UGGT2: variants seen among roughly 807,000 people sequenced by gnomAD.
UGGT2 encodes the protein UDP-glucose glycoprotein glucosyltransferase 2.
In UGGT2, 180 loss-of-function variants were observed where a neutral mutation model predicts 192.1. That is an observed-to-expected ratio of 0.94 (90% confidence interval 0.83 to 1.06). The LOEUF is 1.06. Among genes scored for constraint, UGGT2 ranks in the 50% least tolerant of loss-of-function variants. The pLI, the probability that UGGT2 is intolerant of heterozygous loss-of-function variation, is 0.00. For missense variants in UGGT2, 1,849 were observed against 1,795.7 expected, an observed-to-expected ratio of 1.03 and a Z score of -0.54; for synonymous variants, 580 against 591.0, an observed-to-expected ratio of 0.98 and a Z score of 0.27.
chr13:95,867,702 T>C (rs1384658533), intron 29 of UGGT2, among the ~76,000 whole-genome samples: 3 of 152,166 alleles, frequency 2.0e-5, no homozygotes, highest in Non-Finnish European at 4.4e-5. Context: ...TTATGGCTTA[T>C]CTTTGCTGTT....
intron 38 of UGGT2, among the ~76,000 whole-genome samples, chr13:95,823,612 A>G (rs1800963034): frequency 6.6e-6 from 1 of 151,990 alleles, no homozygotes; most frequent in Non-Finnish European, 1.5e-5. Context: ...TGTGTAGCTT[A>G]TCTTTTCCAT....
At chr13:95,943,419 T>C (rs1482930005) in intron 15 of UGGT2, among the ~76,000 whole-genome samples, 3 of 152,008 alleles carry the variant, frequency 2.0e-5, no homozygotes, top group Non-Finnish European at 4.4e-5. Context: ...CCCCCAGGTT[T>C]CCTAAGTATC....
At chr13:95,906,134 T>C (rs934475479) in intron 20 of UGGT2, among the ~76,000 whole-genome samples, 1 of 152,206 alleles carries the variant, frequency 6.6e-6, no homozygotes, top group Non-Finnish European at 1.5e-5. Flanking sequence ...TTAGCTACTC[T>C]TGGTACTTTG....
At chr13:96,047,628 G>A (rs2053355413) in intron 1 of UGGT2, among the ~76,000 whole-genome samples, 2 of 152,112 alleles carry the variant, frequency 1.3e-5, no homozygotes, top group East Asian at 1.9e-4. Context: ...TCAAAATAAA[G>A]GGATGGAGGA....
intron 36 of UGGT2, 125 bp from the exon 37 acceptor site, chr13:95,837,327 C>A: frequency 1.4e-6 from 1 of 693,534 alleles, no homozygotes; most frequent in African/African-American, 1.8e-5. Flanking sequence ...TCTGAGATTT[C>A]TCTACACTTT....
At chr13:95,967,995 G>A (rs2050643087) in intron 12 of UGGT2, among the ~76,000 whole-genome samples, 1 of 151,916 alleles carries the variant, frequency 6.6e-6, no homozygotes, top group Non-Finnish European at 1.5e-5. Flanking sequence ...TTTTATTATA[G>A]CTTTCTTTGA....
At chr13:95,964,983 T>C (rs1339557895) in intron 12 of UGGT2, among the ~76,000 whole-genome samples, 2 of 151,800 alleles carry the variant, frequency 1.3e-5, no homozygotes, top group Non-Finnish European at 2.9e-5. Context: ...AAAAAACACA[T>C]GAAAAAATGC....
chr13:95,820,267 C>T (rs1885371633), intron 38 of UGGT2, among the ~76,000 whole-genome samples: 1 of 151,936 alleles, frequency 6.6e-6, no homozygotes, highest in African/African-American at 2.4e-5. Context: ...CATAATTTGC[C>T]AAAACTGACT....
intron 12 of UGGT2, among the ~76,000 whole-genome samples, chr13:95,959,880 C>T (rs576607210): frequency 3.3e-5 from 5 of 152,266 alleles, no homozygotes; most frequent in South Asian, 4.1e-4. Flanking sequence ...AACCCACCAT[C>T]GCCACCCATA....
chr13:95,997,869 A>C (rs1015068), intron 6 of UGGT2, among the ~76,000 whole-genome samples: 59,992 of 151,946 alleles, frequency 0.39, 12,080 homozygotes, highest in Middle Eastern at 0.46. Context: ...GCTGAAGGAC[A>C]GTAAAAAGGC....
intron 3 of UGGT2, 67 bp from the exon 4 acceptor site, chr13:96,023,219 C>T (rs2052565657): frequency 3.0e-6 from 4 of 1,329,402 alleles, no homozygotes; most frequent in Middle Eastern, 1.9e-4. Context: ...AAAACCCTCA[C>T]ACATTACTTT....
intron 12 of UGGT2, among the ~76,000 whole-genome samples, chr13:95,956,568 C>G (rs1046863160): frequency 3.3e-5 from 5 of 152,186 alleles, no homozygotes; most frequent in Non-Finnish European, 5.9e-5. Context: ...CAATGCTCAA[C>G]ATCACTAGTC....
intron 20 of UGGT2, 45 bp downstream of exon 20, chr13:95,925,635 A>G (rs760621139): frequency 1.6e-6 from 2 of 1,288,394 alleles, no homozygotes; most frequent in South Asian, 1.8e-5. Flanking sequence ...CTTTCCTTAA[A>G]TTGAAATAAA....
At chr13:96,003,663 T>A (rs865925215) in intron 5 of UGGT2, among the ~76,000 whole-genome samples, 3 of 152,122 alleles carry the variant, frequency 2.0e-5, no homozygotes, top group Admixed American at 2.0e-4. Flanking sequence ...TCTTGGAAGA[T>A]GAAAGGCCAT....
chr13:96,031,585 T>G lies in UGGT2; in HGVS notation c.241+304A>C, dbSNP rs906695546. 1.3e-5 allele frequency among the ~76,000 whole-genome samples: 2 copies of G among 152,200 alleles called. 1 individual carries two copies. The highest frequency in any genetic ancestry group is 4.1e-4 in the South Asian group (2 of 4,832). ...ATCCTCTGGCCTTGGGCCTTCCAAG[T>G]AGCTGCTACTACAGATGCACACCAC... On this transcript the variant is annotated intron_variant, in intron 2 of 38. Transcript: ENST00000376747.
At chr13:95,990,871 C>T (rs1310275723) in intron 7 of UGGT2, 1 of 152,316 alleles carries the variant, frequency 6.6e-6, no homozygotes, top group African/African-American at 2.4e-5. Flanking sequence ...CTATCCCTCT[C>T]CTAGCTCCCC....
intron 38 of UGGT2, among the ~76,000 whole-genome samples, chr13:95,818,487 C>G (rs1009300208): frequency 6.6e-6 from 1 of 152,056 alleles, no homozygotes; most frequent in Admixed American, 6.5e-5. Flanking sequence ...CCTGCAAACT[C>G]AAAATTGTGG....
At position 95,830,325 on chromosome 13, in the gene UGGT2, T is replaced by C. The variant is rs536296372; in HGVS notation, c.4528+2602A>G. ...CGCTTCTGCACAGCAAAAGAAACTA[T>C]CGTCAGAGTGAGCAGGCAACCTACA... On this transcript the variant is annotated intron_variant, in intron 38 of 38. Coordinates refer to ENST00000376747, the MANE Select transcript of UGGT2 (RefSeq NM_020121.4). 3.6e-3 allele frequency among the ~76,000 whole-genome samples: 545 copies of C among 152,200 alleles called. 6 individuals carry two copies. Among genetic ancestry groups the C allele is most frequent in the African/African-American group, 0.012 (513 of 41,544 alleles).
intron 17 of UGGT2, 78 bp from the exon 18 acceptor site, chr13:95,927,414 G>T: frequency 2.6e-6 from 3 of 1,153,304 alleles, no homozygotes; most frequent in East Asian, 2.8e-5. Flanking sequence ...ATAACACAAA[G>T]ATTACTTAAT....
Sources: gnomAD v4.1 joint callset for allele counts (sites outside exome capture counted in the v4.1 genomes callset) on GRCh38, gnomAD v4.1.1 for gene constraint, MANE v1.5 for transcripts, NCBI Gene and HGNC (gene_info 2026-07-23, HGNC 2026-07-21) for gene names.